RBMS1: variants seen among roughly 807,000 people sequenced by gnomAD.
The protein encoded by RBMS1 is RNA-binding motif, single-stranded-interacting protein 1.
RBMS1 carries 17 observed loss-of-function variants against 62.3 expected under a neutral mutation model. The ratio of observed to expected loss-of-function variants is 0.27; its 90% CI spans 0.19 to 0.41. The LOEUF (loss-of-function observed/expected upper bound fraction) is 0.41. Among genes scored for constraint, RBMS1 ranks in the 10% least tolerant of loss-of-function variants. The pLI, the probability that RBMS1 is intolerant of heterozygous loss-of-function variation, is 1.00. For missense variants in RBMS1, 334 were observed against 504.5 expected (o/e 0.66, Z 3.24); for synonymous variants, 172 against 170.0 (o/e 1.01, Z -0.09).
In RBMS1 at chr2:160,366,586, A is replaced by C. The variant is rs1223392379; in HGVS notation, c.251+630T>G. 2.0e-5 allele frequency among the ~76,000 whole-genome samples: 3 copies of C among 152,258 alleles called. No individual in the cohort carries two copies. The East Asian group carries it at 5.8e-4, about 29-fold the overall frequency. ...GTGAGTTAGTGTAATTGCAGCAAAG[A>C]AGCACATTTATATTCTATTCATTGA... On this transcript the variant is annotated intron_variant, in intron 2 of 13. Transcript: ENST00000348849.
chr2:160,436,383 C>A (rs1207775914), intron 1 of RBMS1, among the ~76,000 whole-genome samples: 1 of 152,190 alleles, frequency 6.6e-6, no homozygotes, highest in Non-Finnish European at 1.5e-5. Flanking sequence ...GGGGCACCAG[C>A]TATTAAAAGG....
At chr2:160,409,082 G>A (rs188972864) in intron 1 of RBMS1, among the ~76,000 whole-genome samples, 1 of 152,214 alleles carries the variant, frequency 6.6e-6, no homozygotes, top group Admixed American at 6.5e-5. Context: ...GAAGTCTTCT[G>A]GCAAAGCTGT....
At chr2:160,296,022 C>G (rs1688917286) in intron 6 of RBMS1, among the ~76,000 whole-genome samples, 1 of 152,214 alleles carries the variant, frequency 6.6e-6, no homozygotes, top group Non-Finnish European at 1.5e-5. Context: ...GTGTGGGGCC[C>G]TGCTCGTGCA....
At chr2:160,396,524 T>C (rs1323027635) in intron 1 of RBMS1, among the ~76,000 whole-genome samples, 3 of 149,198 alleles carry the variant, frequency 2.0e-5, no homozygotes, top group Non-Finnish European at 4.5e-5. Flanking sequence ...GTTTCACCTC[T>C]CTCTCCCAGG....
intron 2 of RBMS1, among the ~76,000 whole-genome samples, chr2:160,329,506 G>A (rs766142139): frequency 9.2e-5 from 14 of 152,144 alleles, no homozygotes; most frequent in Admixed American, 5.9e-4. Flanking sequence ...CAATCATTGC[G>A]GAGGTAGGAT....
chr2:160,377,159 A>G (rs1019135171), intron 1 of RBMS1, among the ~76,000 whole-genome samples: 9 of 152,016 alleles, frequency 5.9e-5, no homozygotes, highest in African/African-American at 2.2e-4. Flanking sequence ...TCTCCATCCT[A>G]TATACATAAA....
At chr2:160,401,504 G>A (rs560045136) in intron 1 of RBMS1, among the ~76,000 whole-genome samples, 1 of 152,216 alleles carries the variant, frequency 6.6e-6, no homozygotes, top group South Asian at 2.1e-4. Flanking sequence ...TTTACACCAA[G>A]ATTTTAGAAT....
At chr2:160,439,339 G>A (rs1332811522) in intron 1 of RBMS1, among the ~76,000 whole-genome samples, 2 of 150,572 alleles carry the variant, frequency 1.3e-5, no homozygotes, top group Non-Finnish European at 3.0e-5. Flanking sequence ...CTTCTCAGAC[G>A]GGGCGGTTGC....
chr2:160,352,047 T>C lies in RBMS1; in HGVS notation c.251+15169A>G, dbSNP rs1320824417. 3.9e-5 allele frequency among the ~76,000 whole-genome samples: 6 copies of C among 152,056 alleles called. 1 individual carries two copies. The highest frequency in any genetic ancestry group is 3.9e-4 in the Admixed American group (6 of 15,262). ...CAGACACATGAACCTGAAAGTGAGA[T>C]CCTGCAGAGCTGCTAATGTTGGATG... On this transcript the variant is annotated intron_variant, in intron 2 of 13. Coordinates refer to ENST00000348849, the MANE Select transcript of RBMS1 (RefSeq NM_016836.4).
At chr2:160,299,502 C>T (rs1053266801) in intron 6 of RBMS1, among the ~76,000 whole-genome samples, 4 of 145,720 alleles carry the variant, frequency 2.7e-5, no homozygotes, top group East Asian at 2.3e-4. Flanking sequence ...TCAAATTTCT[C>T]GGCTTTGCTG....
intron 1 of RBMS1, chr2:160,432,260 T>C (rs932468868): frequency 1.3e-5 from 2 of 152,066 alleles, no homozygotes; most frequent in African/African-American, 4.8e-5. Context: ...CTAAATAACA[T>C]ACCATGGAGA....
At chr2:160,439,898 T>A (rs1454244667) in intron 1 of RBMS1, among the ~76,000 whole-genome samples, 6 of 151,772 alleles carry the variant, frequency 4.0e-5, no homozygotes, top group African/African-American at 1.5e-4. Flanking sequence ...ACCAAAAAAA[T>A]ACGAAAACCA....
chr2:160,431,805 C>T (rs1364754563), intron 1 of RBMS1, among the ~76,000 whole-genome samples: 3 of 152,118 alleles, frequency 2.0e-5, no homozygotes, highest in Admixed American at 6.5e-5. Context: ...CTTCAAGGCT[C>T]GGCTTAAATT....
At chr2:160,483,420 T>G (rs1266492091) in intron 1 of RBMS1, among the ~76,000 whole-genome samples, 1 of 152,238 alleles carries the variant, frequency 6.6e-6, no homozygotes, top group Non-Finnish European at 1.5e-5. Flanking sequence ...GTTCAAAGTA[T>G]TACATCATGT....
At chr2:160,301,813 C>A (rs1182720567) in intron 5 of RBMS1, among the ~76,000 whole-genome samples, 1 of 152,064 alleles carries the variant, frequency 6.6e-6, no homozygotes, top group African/African-American at 2.4e-5. Flanking sequence ...CCTTTTTTGT[C>A]TCAATTTTCT....
chr2:160,463,154 A>T (rs796666886), intron 1 of RBMS1, among the ~76,000 whole-genome samples: 6 of 152,342 alleles, frequency 3.9e-5, no homozygotes, highest in African/African-American at 1.4e-4. Context: ...TGACAAAACC[A>T]GGTTTCATTT....
intron 1 of RBMS1, among the ~76,000 whole-genome samples, chr2:160,484,355 C>T (rs1433196397): frequency 6.6e-6 from 1 of 151,202 alleles, no homozygotes; most frequent in African/African-American, 2.4e-5. Flanking sequence ...ATTAGCCGGA[C>T]GTGGTGGCGG....
At chr2:160,471,721 T>G (rs1684932402) in intron 1 of RBMS1, among the ~76,000 whole-genome samples, 1 of 17,958 alleles carries the variant, frequency 5.6e-5, no homozygotes. Context: ...ATATATAACC[T>G]TTCATACATT....
intron 2 of RBMS1, among the ~76,000 whole-genome samples, chr2:160,362,851 A>AT (rs1342214307): frequency 7.2e-5 from 11 of 152,126 alleles, no homozygotes. Flanking sequence ...CCAAAAAAAA[A>AT]GCCTCAAGGA....
Sources: allele counts gnomAD v4.1 joint callset (sites outside exome capture counted in the v4.1 genomes callset), GRCh38; gene constraint gnomAD v4.1.1; transcripts MANE v1.5; gene names NCBI Gene and HGNC (gene_info 2026-07-23, HGNC 2026-07-21).